PPME1: variants seen among roughly 807,000 people sequenced by gnomAD.
PPME1 encodes the protein protein phosphatase methylesterase 1, also known as testicular secretory protein Li 39.
In PPME1, 17 loss-of-function variants were observed where a neutral mutation model predicts 56.9. The ratio of observed to expected loss-of-function variants is 0.30; its 90% CI spans 0.20 to 0.45. PPME1 has a LOEUF of 0.45. Ranked by LOEUF, PPME1 falls within the 20% of genes least tolerant of loss-of-function variation. The probability of loss-of-function intolerance (pLI) is 1.00; values close to 1 mark genes in which losing one functional copy is unlikely to be tolerated. For synonymous variants in PPME1, 122 were observed against 156.2 expected (o/e 0.78, Z 1.63); for missense variants, 357 against 483.2 (o/e 0.74, Z 2.45).
At position 74,230,231 on chromosome 11, in the gene PPME1, T is replaced by G. The variant is rs764741154; in HGVS notation, c.399-14T>G. ...CAGAAAGCATTCTTAGATCTTTTTC[T>G]CTTCTCTTTGCAGAGACGTTGGCAA... On this transcript the variant is annotated splice_polypyrimidine_tract_variant and intron_variant, in intron 5 of 13. Coordinates refer to ENST00000328257, the MANE Select transcript of PPME1 (RefSeq NM_016147.3). The surrounding 1 kb of genome is among the most constrained non-coding windows in gnomAD (Gnocchi z 4.9). The G allele has an allele frequency of 1.3e-6, 2 of 1,587,172 alleles. No individual in the cohort carries two copies. Among genetic ancestry groups the G allele is most frequent in the Non-Finnish European group, 1.7e-6 (2 of 1,170,526 alleles).
At chr11:74,181,792 A>G (rs1028991105) in intron 1 of PPME1, among the ~76,000 whole-genome samples, 1 of 152,216 alleles carries the variant, frequency 6.6e-6, no homozygotes, top group Non-Finnish European at 1.5e-5. Context: ...TAAAAGCCAG[A>G]TAGTATTTTA....
At chr11:74,201,987 T>C (rs1273135565) in intron 1 of PPME1, among the ~76,000 whole-genome samples, 1 of 152,214 alleles carries the variant, frequency 6.6e-6, no homozygotes, top group Admixed American at 6.5e-5. Context: ...CTGAAGTTGC[T>C]GTTTACTTCA....
intron 5 of PPME1, among the ~76,000 whole-genome samples, chr11:74,226,476 G>C (rs1205649506): frequency 2.6e-5 from 4 of 152,206 alleles, no homozygotes; most frequent in African/African-American, 9.7e-5. Flanking sequence ...GTAAGAATCT[G>C]TTCCTCCAAT....
At chr11:74,184,169 A>C (rs1857611302) in intron 1 of PPME1, among the ~76,000 whole-genome samples, 1 of 152,212 alleles carries the variant, frequency 6.6e-6, no homozygotes, top group Non-Finnish European at 1.5e-5. Context: ...GTACATATAC[A>C]TGTCTAGCTT....
chr11:74,197,846 C>T (rs1325593367), intron 1 of PPME1, among the ~76,000 whole-genome samples: 1 of 152,230 alleles, frequency 6.6e-6, no homozygotes, highest in South Asian at 2.1e-4. Context: ...ATGCATGAAC[C>T]CTCTGGATTG....
At chr11:74,188,074 C>T (rs1209677444) in intron 1 of PPME1, among the ~76,000 whole-genome samples, 2 of 152,140 alleles carry the variant, frequency 1.3e-5, no homozygotes, top group Non-Finnish European at 2.9e-5. Flanking sequence ...GGTATTTAGA[C>T]CTCTCAATCT....
At chr11:74,225,383 TTC>T (rs1427905277) in intron 5 of PPME1, 127 bp downstream of exon 5, 1 of 630,680 alleles carries the variant, frequency 1.6e-6, no homozygotes, top group African/African-American at 1.9e-5. Flanking sequence ...TTTACTTCTG[TTC>T]TCTCTCCTCT....
At chr11:74,201,958 C>CA (rs949246767) in intron 1 of PPME1, among the ~76,000 whole-genome samples, 66 of 151,926 alleles carry the variant, frequency 4.3e-4, no homozygotes, top group African/African-American at 1.2e-3. Context: ...ACCAGAAAAG[C>CA]AAAAAAAGCA....
At chr11:74,224,977 C>G (rs1199316431) in intron 4 of PPME1, among the ~76,000 whole-genome samples, 1 of 152,200 alleles carries the variant, frequency 6.6e-6, no homozygotes, top group East Asian at 1.9e-4. Flanking sequence ...ACTTCAAATT[C>G]TTATGCTGAT....
intron 3 of PPME1, chr11:74,205,896 A>C (rs1221235192): frequency 1.3e-5 from 2 of 152,176 alleles, no homozygotes; most frequent in Non-Finnish European, 2.9e-5. Context: ...TAGACACTTT[A>C]AATAGATAAA....
At chr11:74,227,301 A>G (rs1455140922) in intron 5 of PPME1, among the ~76,000 whole-genome samples, 3 of 152,172 alleles carry the variant, frequency 2.0e-5, no homozygotes, top group African/African-American at 7.2e-5. Context: ...GCAATGAAGG[A>G]TGAATTGGAG....
At chr11:74,178,823 G>A (rs1455490854) in intron 1 of PPME1, among the ~76,000 whole-genome samples, 2 of 151,920 alleles carry the variant, frequency 1.3e-5, no homozygotes, top group African/African-American at 4.8e-5. Flanking sequence ...TAAACCTAAT[G>A]AGCCTTCCAT....
chr11:74,183,011 G>A (rs917085084), intron 1 of PPME1, among the ~76,000 whole-genome samples: 3 of 143,596 alleles, frequency 2.1e-5, no homozygotes, highest in Admixed American at 7.1e-5. Context: ...AAAAAAAAAA[G>A]TACGGGCTGG....
At chr11:74,214,449 A>T (rs530113809) in intron 3 of PPME1, among the ~76,000 whole-genome samples, 1 of 152,180 alleles carries the variant, frequency 6.6e-6, no homozygotes, top group Non-Finnish European at 1.5e-5. Context: ...CTAGAGAAAC[A>T]TATCAGTATT....
At chr11:74,196,231 T>C (rs895948060) in intron 1 of PPME1, among the ~76,000 whole-genome samples, 1 of 152,350 alleles carries the variant, frequency 6.6e-6, no homozygotes, top group African/African-American at 2.4e-5. Flanking sequence ...AAATGGCATA[T>C]AGTTTAATGA....
chr11:74,191,224 C>A (rs1857828854), intron 1 of PPME1, among the ~76,000 whole-genome samples: 1 of 152,300 alleles, frequency 6.6e-6, no homozygotes, highest in Admixed American at 6.5e-5. Flanking sequence ...CCAGTAGTCC[C>A]AGCTAGTCCA....
intron 5 of PPME1, among the ~76,000 whole-genome samples, chr11:74,226,102 A>G (rs1178651707): frequency 1.3e-5 from 2 of 152,098 alleles, no homozygotes; most frequent in African/African-American, 2.4e-5. Context: ...TTATTTTTTC[A>G]CTGTCTACCT....
chr11:74,196,317 A>G (rs1272786033), intron 1 of PPME1, among the ~76,000 whole-genome samples: 1 of 152,192 alleles, frequency 6.6e-6, no homozygotes, highest in Non-Finnish European at 1.5e-5. Flanking sequence ...TATCTAAGAA[A>G]TTGTTGCCTA....
At chr11:74,202,566 G>A (rs1475898531) in intron 1 of PPME1, among the ~76,000 whole-genome samples, 1 of 152,146 alleles carries the variant, frequency 6.6e-6, no homozygotes, top group Non-Finnish European at 1.5e-5. Context: ...ACAGGAAGAT[G>A]TCTGGCAAGA....
Sources: gnomAD v4.1 joint callset for allele counts (sites outside exome capture counted in the v4.1 genomes callset) on GRCh38, gnomAD v4.1.1 for gene constraint, Gnocchi (gnomAD v3.1) non-coding constraint, MANE v1.5 for transcripts, NCBI Gene and HGNC (gene_info 2026-07-23, HGNC 2026-07-21) for gene names.